Variants in IGF1R observed in about 807,000 individuals in gnomAD.
IGF1R encodes the protein insulin like growth factor 1 receptor.
Under a neutral mutation model 144.6 loss-of-function variants are expected in IGF1R, and 44 were observed. That is an observed-to-expected ratio of 0.30 (90% CI 0.24 to 0.39). The LOEUF is 0.39. Ranked by LOEUF, IGF1R falls within the 10% of genes least tolerant of loss-of-function variation. IGF1R has a pLI of 1.00. For synonymous variants in IGF1R, 795 were observed against 722.8 expected (o/e 1.10, Z -1.60); for missense variants, 1,355 against 1,833.7 (o/e 0.74, Z 4.77).
rs192120078 is a variant in IGF1R, at chr15:98,963,184, C to G, written c.*5742C>G. On this transcript the variant is annotated 3_prime_UTR_variant, in exon 21 of 21. Coordinates refer to ENST00000650285, the MANE Select transcript of IGF1R (RefSeq NM_000875.5). ...TAATTTAAAGACACTTTTTTTTTCT[C>G]TGTGTGTGCAAATGTGTGTTTGTGA... is the stretch of plus-strand genomic sequence containing the variant. 7.8e-4 allele frequency: 174 copies of G among 222,348 alleles called. No individual in the cohort carries two copies. The highest frequency in any genetic ancestry group is 3.3e-3 in the African/African-American group (142 of 42,398). The allele number at this position is 222,348 out of a possible 1,614,324, so 13.8% of individuals were successfully genotyped here. A position where few individuals can be genotyped will look rare whatever the true frequency, so the allele number is the denominator to read the frequency against.
chr15:98,711,052 CA>C (rs2053980160), intron 2 of IGF1R, among the ~76,000 whole-genome samples: 1 of 152,194 alleles, frequency 6.6e-6, no homozygotes, highest in African/African-American at 2.4e-5. Flanking sequence ...TGCTTTAGAG[CA>C]TTTCTTTTAA....
intron 12 of IGF1R, among the ~76,000 whole-genome samples, chr15:98,924,286 T>C (rs1038758380): frequency 6.6e-6 from 1 of 152,274 alleles, no homozygotes; most frequent in African/African-American, 2.4e-5. Flanking sequence ...TAATAACTTT[T>C]AATCCTTCTG....
intron 2 of IGF1R, among the ~76,000 whole-genome samples, chr15:98,789,684 A>G (rs186154095): frequency 6.6e-6 from 1 of 152,320 alleles, no homozygotes; most frequent in Admixed American, 6.5e-5. Context: ...TTCAAATTGG[A>G]TGATGCTCTT....
chr15:98,917,809 T>G lies in IGF1R; in HGVS notation c.2201+933T>G, dbSNP rs2015316856. 2.0e-5 allele frequency among the ~76,000 whole-genome samples: 3 copies of G among 152,248 alleles called. 1 individual carries two copies. Among genetic ancestry groups the G allele is most frequent in the Middle Eastern group, 6.8e-3 (2 of 294 alleles). ...AAATGTATGGTGACAGAAAGTAGAT[T>G]TGAATTTACCAGGGGATGGGGATAG... On this transcript the variant is annotated intron_variant, in intron 10 of 20. Transcript: ENST00000650285.
At chr15:98,949,182 C>CG (rs2016676007) in intron 20 of IGF1R, among the ~76,000 whole-genome samples, 1 of 152,222 alleles carries the variant, frequency 6.6e-6, no homozygotes. Context: ...GCATGCACCA[C>CG]GTAGGGTCAG....
intron 1 of IGF1R, among the ~76,000 whole-genome samples, chr15:98,661,009 C>T (rs1277686964): frequency 6.6e-6 from 1 of 152,118 alleles, no homozygotes; most frequent in Non-Finnish European, 1.5e-5. Context: ...ACCTGCTGAC[C>T]TTGAGTTACA....
intron 1 of IGF1R, among the ~76,000 whole-genome samples, chr15:98,674,811 T>C (rs1035679438): frequency 5.3e-5 from 8 of 152,108 alleles, no homozygotes; most frequent in East Asian, 3.8e-4. Flanking sequence ...CCTAGACTTA[T>C]ATGTGTATCT....
intron 2 of IGF1R, among the ~76,000 whole-genome samples, chr15:98,872,616 C>CA (rs1205059450): frequency 6.6e-6 from 1 of 152,082 alleles, no homozygotes; most frequent in Admixed American, 6.5e-5. Context: ...CATCTTATAC[C>CA]AGTAGCACAG....
chr15:98,748,198 G>T (rs1479451889), intron 2 of IGF1R, among the ~76,000 whole-genome samples: 3 of 152,088 alleles, frequency 2.0e-5, no homozygotes, highest in Non-Finnish European at 4.4e-5. Context: ...ACAGGATCTT[G>T]CTGTGTCATC....
At chr15:98,755,965 C>T (rs1009175412) in intron 2 of IGF1R, among the ~76,000 whole-genome samples, 6 of 152,024 alleles carry the variant, frequency 3.9e-5, no homozygotes, top group East Asian at 1.9e-4. Flanking sequence ...TAATAAATTA[C>T]GTTGATTAGA....
intron 2 of IGF1R, among the ~76,000 whole-genome samples, chr15:98,737,755 G>A (rs1052513307): frequency 8.5e-5 from 13 of 152,176 alleles, no homozygotes; most frequent in African/African-American, 3.1e-4. Context: ...ATGAGGTAGA[G>A]TGGAGGGAGA....
At chr15:98,715,701 C>T (rs184703554) in intron 2 of IGF1R, among the ~76,000 whole-genome samples, 1 of 152,216 alleles carries the variant, frequency 6.6e-6, no homozygotes, top group Admixed American at 6.5e-5. Flanking sequence ...AAGTTGGAAG[C>T]ATCACTTAGA....
intron 2 of IGF1R, among the ~76,000 whole-genome samples, chr15:98,807,287 T>C (rs1478463900): frequency 2.0e-5 from 3 of 152,250 alleles, no homozygotes; most frequent in African/African-American, 7.2e-5. Context: ...CCTGGATATA[T>C]GAATAGATGA....
chr15:98,864,372 C>T (rs147892298), intron 2 of IGF1R, among the ~76,000 whole-genome samples: 1 of 152,200 alleles, frequency 6.6e-6, no homozygotes, highest in African/African-American at 2.4e-5. Context: ...CAGAATTTTC[C>T]ATCACTGAAA....
At chr15:98,845,525 C>G (rs2011290598) in intron 2 of IGF1R, among the ~76,000 whole-genome samples, 1 of 133,686 alleles carries the variant, frequency 7.5e-6, no homozygotes, top group Non-Finnish European at 1.6e-5. Context: ...CCTTCCTCCT[C>G]CCCCTCCTTC....
chr15:98,695,041 G>T (rs1163217671), intron 1 of IGF1R, among the ~76,000 whole-genome samples: 1 of 152,216 alleles, frequency 6.6e-6, no homozygotes, highest in Non-Finnish European at 1.5e-5. Flanking sequence ...AGTTCATGTA[G>T]TTGGGTTAGA....
chr15:98,788,052 C>CTGTGTGTGTG lies in IGF1R; in HGVS notation c.640+79946_640+79947insGTGTGTGTGT, dbSNP rs1167503156. Among the ~76,000 whole-genome samples, 412 of 139,586 alleles carry CTGTGTGTGTG rather than the reference C, an allele frequency of 3.0e-3. 2 individuals are homozygous for CTGTGTGTGTG. Among genetic ancestry groups the CTGTGTGTGTG allele is most frequent in the African/African-American group, 0.011 (392 of 35,238 alleles). 91.6% of individuals were successfully genotyped at this position (139,586 alleles called of 152,430 possible). On this transcript the variant is annotated intron_variant, in intron 2 of 20. Transcript: ENST00000650285. ...GGTAGGGATCTCTCTCTCTCTCTCT[C>CTGTGTGTGTG]TCTCTCTCTCTGTGTGTGTGTGTGT...
At chr15:98,843,341 A>C (rs2011209900) in intron 2 of IGF1R, among the ~76,000 whole-genome samples, 1 of 152,102 alleles carries the variant, frequency 6.6e-6, no homozygotes, top group Non-Finnish European at 1.5e-5. Flanking sequence ...ATTAACTCTA[A>C]ACGGATTAGA....
rs919467474 is a variant in IGF1R at position 98,809,874 on chromosome 15, A to G, written c.641-81451A>G. Among the ~76,000 whole-genome samples the G allele has an allele frequency of 5.3e-5, 8 of 152,184 alleles. No homozygotes were observed. The South Asian group carries it at 8.3e-4, about 16-fold the overall frequency. On this transcript the variant is annotated intron_variant, in intron 2 of 20. Transcript: ENST00000650285. ...CCACGTATTGTGTTCTGATGATAGA[A>G]TGAAAGCCCACTCCCCGCACCCTGG...
Sources: gnomAD v4.1 joint callset for allele counts (sites outside exome capture counted in the v4.1 genomes callset) on GRCh38, gnomAD v4.1.1 for gene constraint, MANE v1.5 for transcripts, NCBI Gene and HGNC (gene_info 2026-07-23, HGNC 2026-07-21) for gene names.